Variants in CAMTA1 observed in about 807,000 individuals in gnomAD.
CAMTA1 encodes calmodulin binding transcription activator 1.
CAMTA1 carries 27 observed loss-of-function variants against 170.9 expected under a neutral mutation model. The observed-to-expected ratio is 0.16, with a 90% CI of 0.12 to 0.22. The LOEUF (loss-of-function observed/expected upper bound fraction) is 0.22. CAMTA1 is among the 10% of genes least tolerant of loss of function. The pLI is 1.00. For missense variants in CAMTA1, 1,619 were observed against 2,217.2 expected, an observed-to-expected ratio of 0.73 and a Z score of 5.42; for synonymous variants, 833 against 891.5, an observed-to-expected ratio of 0.93 and a Z score of 1.17.
intron 6 of CAMTA1, among the ~76,000 whole-genome samples, chr1:7,498,983 C>T (rs543632961): frequency 8.9e-6 from 1 of 112,576 alleles, no homozygotes; most frequent in African/African-American, 3.8e-5. Flanking sequence ...GTCTGGTGTG[C>T]GTGTGTATGT....
chr1:7,468,161 C>T (rs925514631), intron 6 of CAMTA1, among the ~76,000 whole-genome samples: 1 of 152,200 alleles, frequency 6.6e-6, no homozygotes, highest in Admixed American at 6.5e-5. Context: ...TAGGTGCTTC[C>T]AGCTTCCAAG....
At chr1:7,245,762 C>T (rs1185250660) in intron 4 of CAMTA1, among the ~76,000 whole-genome samples, 3 of 152,062 alleles carry the variant, frequency 2.0e-5, no homozygotes, top group Non-Finnish European at 2.9e-5. Flanking sequence ...CATCAGCCTT[C>T]GTTCAGCTTC....
At position 7,182,564 on chromosome 1, in the gene CAMTA1, G is replaced by T. The variant is rs372986440; in HGVS notation, c.303-66927G>T. Among the ~76,000 whole-genome samples, 23 of 150,424 alleles carry T rather than the reference G, an allele frequency of 1.5e-4. No homozygotes were observed. The East Asian group carries it at 3.1e-3, about 20-fold the overall frequency. ...TTTCTGTAACATGGATGTAAGAAAA[G>T]GTTTTCTAACAATGACTCAAAATCC... On this transcript the variant is annotated intron_variant, in intron 4 of 22. Transcript: ENST00000303635.
At chr1:7,070,005 C>T (rs1366240002) in intron 3 of CAMTA1, among the ~76,000 whole-genome samples, 1 of 152,200 alleles carries the variant, frequency 6.6e-6, no homozygotes, top group Non-Finnish European at 1.5e-5. Flanking sequence ...GGTTCACGTC[C>T]TCTCGCCCTC....
At chr1:6,905,062 T>A (rs2149237878) in intron 3 of CAMTA1, among the ~76,000 whole-genome samples, 1 of 152,102 alleles carries the variant, frequency 6.6e-6, no homozygotes, top group Admixed American at 6.5e-5. Context: ...CTCCCTGGAG[T>A]CATGAATGAA....
chr1:7,536,469 T>G (rs2094550279), intron 6 of CAMTA1, among the ~76,000 whole-genome samples: 1 of 152,110 alleles, frequency 6.6e-6, no homozygotes, highest in Admixed American at 6.5e-5. Context: ...TAGTCCCAAG[T>G]CTGTGACCAT....
At chr1:7,270,319 A>C (rs1669606817) in intron 5 of CAMTA1, among the ~76,000 whole-genome samples, 1 of 134,480 alleles carries the variant, frequency 7.4e-6, no homozygotes, top group African/African-American at 3.0e-5. Context: ...TGTGAGATGG[A>C]GTTTCACTCT....
chr1:7,541,083 T>C (rs547589384), intron 6 of CAMTA1, among the ~76,000 whole-genome samples: 3 of 152,374 alleles, frequency 2.0e-5, no homozygotes. Context: ...CAGAGTGACC[T>C]TCCTCGAGGC....
At chr1:7,477,610 C>T (rs771716907) in intron 6 of CAMTA1, among the ~76,000 whole-genome samples, 78 of 152,310 alleles carry the variant, frequency 5.1e-4, no homozygotes, top group African/African-American at 1.6e-3. Context: ...GCTCCCAAAA[C>T]GGCCATTATC....
At chr1:6,991,082 CT>C (rs1202217597) in intron 3 of CAMTA1, among the ~76,000 whole-genome samples, 1 of 151,210 alleles carries the variant, frequency 6.6e-6, no homozygotes, top group Non-Finnish European at 1.5e-5. Flanking sequence ...TTTTTTTTTC[CT>C]TTTTATTGAG....
intron 3 of CAMTA1, among the ~76,000 whole-genome samples, chr1:6,999,755 C>T (rs973253430): frequency 1.3e-5 from 2 of 152,140 alleles, no homozygotes; most frequent in African/African-American, 4.8e-5. Context: ...GAGGGTCATA[C>T]AGGTCTAGGC....
At chr1:7,221,928 T>TAC (rs61354001) in intron 4 of CAMTA1, among the ~76,000 whole-genome samples, 4,425 of 124,238 alleles carry the variant, frequency 0.036, 61 homozygotes, top group East Asian at 0.073. Context: ...CACACACACA[T>TAC]ACACACACAC....
chr1:7,223,939 T>A (rs1052733588), intron 4 of CAMTA1, among the ~76,000 whole-genome samples: 1 of 152,160 alleles, frequency 6.6e-6, no homozygotes, highest in African/African-American at 2.4e-5. Context: ...GAAGGTATCA[T>A]CCCATCTTCA....
chr1:7,715,316 C>T (rs923035154), intron 11 of CAMTA1, among the ~76,000 whole-genome samples: 2 of 152,114 alleles, frequency 1.3e-5, no homozygotes, highest in Non-Finnish European at 2.9e-5. Context: ...TGGCTATTAA[C>T]GTTTTGTTCC....
In CAMTA1 at chr1:7,293,225, G is replaced by A. The variant is rs1673413553; in HGVS notation, c.438+43599G>A. Among the ~76,000 whole-genome samples the A allele has an allele frequency of 6.6e-6, 1 of 152,220 alleles. No homozygotes were observed. The highest frequency in any genetic ancestry group is 1.5e-5 in the Non-Finnish European group (1 of 68,038). ...GGCTGGTAAAGGCTGGGGAGCAAAT[G>A]CAGACCTTGTCTGGGTGATGAGAGA... On this transcript the variant is annotated intron_variant, in intron 5 of 22. Transcript: ENST00000303635. The surrounding 1 kb of genome is among the most constrained non-coding windows in gnomAD (Gnocchi z 4.1).
chr1:7,559,307 C>G (rs1382517772), intron 6 of CAMTA1, among the ~76,000 whole-genome samples: 3 of 152,302 alleles, frequency 2.0e-5, no homozygotes, highest in Non-Finnish European at 4.4e-5. Flanking sequence ...CCCTCCTGCA[C>G]CCAGCTCTGC....
intron 5 of CAMTA1, among the ~76,000 whole-genome samples, chr1:7,370,761 T>C (rs983040742): frequency 3.3e-5 from 5 of 152,110 alleles, no homozygotes; most frequent in Admixed American, 6.5e-5. Flanking sequence ...AATTGAGAAA[T>C]AAGGCAAATT....
intron 3 of CAMTA1, 118 bp from the exon 4 acceptor site, chr1:7,091,186 G>A (rs982833121): frequency 5.5e-6 from 4 of 726,344 alleles, no homozygotes; most frequent in African/African-American, 3.5e-5. Flanking sequence ...CTCTAGCAGG[G>A]ATGGAGTTCC....
rs1042041968 is a variant in CAMTA1, at chr1:7,248,594, T to A, written c.303-897T>A. ...TCTGAAAGTGGTTTATCACAGCACT[T>A]GCCCTCAGCTGCTAGAGGGGTTTAG... On this transcript the variant is annotated intron_variant, in intron 4 of 22. Coordinates refer to ENST00000303635, the MANE Select transcript of CAMTA1 (RefSeq NM_015215.4). The surrounding 1 kb of genome is among the most constrained non-coding windows in gnomAD (Gnocchi z 4.0). Among the ~76,000 whole-genome samples, 1 of 152,176 alleles carries A rather than the reference T, an allele frequency of 6.6e-6. No homozygotes were observed. The highest frequency in any genetic ancestry group is 1.5e-5 in the Non-Finnish European group (1 of 68,040).
Sources: allele counts gnomAD v4.1 joint callset (sites outside exome capture counted in the v4.1 genomes callset), GRCh38; gene constraint gnomAD v4.1.1; non-coding constraint Gnocchi (gnomAD v3.1); transcripts MANE v1.5; gene names NCBI Gene and HGNC (gene_info 2026-07-23, HGNC 2026-07-21).